The following KALRN variants were observed in gnomAD, a reference collection of about 807,000 sequenced individuals.
KALRN encodes kalirin.
KALRN carries 70 observed loss-of-function variants against 353.7 expected under a neutral mutation model. The ratio of observed to expected loss-of-function variants is 0.20; its 90% CI spans 0.16 to 0.24. The LOEUF is 0.24. Among genes scored for constraint, KALRN ranks in the 10% least tolerant of loss-of-function variants. The probability of loss-of-function intolerance (pLI) is 1.00; values close to 1 mark genes in which losing one functional copy is unlikely to be tolerated. For synonymous variants in KALRN, 1,391 were observed against 1,434.8 expected (o/e 0.97, Z 0.69); for missense variants, 2,791 against 3,756.7 (o/e 0.74, Z 6.72).
intron 10 of KALRN, among the ~76,000 whole-genome samples, chr3:124,352,652 A>G (rs972379928): frequency 2.0e-5 from 3 of 151,834 alleles, no homozygotes; most frequent in African/African-American, 4.8e-5. Flanking sequence ...TTGTTTCTCT[A>G]TCCAACCCTT....
rs1308609547 is a variant in KALRN, at chr3:124,692,856, G to A, written c.7378-948G>A. On this transcript the variant is annotated intron_variant, in intron 51 of 59. Transcript: ENST00000682506. The stretch of plus-strand genomic sequence containing the variant: ...TGACCTCAGCCTATCTCCAAAGTCC[G>A]TGCTTTTTTAAAACAATGCCAGGCT... Among the ~76,000 whole-genome samples the A allele has an allele frequency of 1.1e-4, 17 of 152,284 alleles. No homozygotes were observed. In the East Asian group the frequency reaches 1.9e-3, roughly 17 times the overall value.
chr3:124,482,404 G>A lies in KALRN; in HGVS notation c.4192-404G>A, dbSNP rs1162835142. The stretch of plus-strand genomic sequence containing the variant: ...AGGAGCCATCAGAATAGATGTCAGA[G>A]CCTCATTCTCTGCCTTCCCTGTACT... On this transcript the variant is annotated intron_variant, in intron 27 of 59. Coordinates refer to ENST00000682506, the MANE Select transcript of KALRN (RefSeq NM_001388419.1). Among the ~76,000 whole-genome samples the A allele has an allele frequency of 2.6e-5, 4 of 152,228 alleles. No homozygotes were observed. In the East Asian group the frequency reaches 7.7e-4, roughly 29 times the overall value.
intron 1 of KALRN, among the ~76,000 whole-genome samples, chr3:124,191,517 T>C (rs1367984439): frequency 6.6e-6 from 1 of 152,226 alleles, no homozygotes; most frequent in African/African-American, 2.4e-5. Context: ...CCACATATAT[T>C]AATATTTCCA....
At chr3:124,471,267 T>G in intron 25 of KALRN, among the ~76,000 whole-genome samples, 1 of 145,864 alleles carries the variant, frequency 6.9e-6, no homozygotes, top group South Asian at 2.2e-4. Context: ...TTATTATTAT[T>G]ATTATTATTA....
intron 34 of KALRN, among the ~76,000 whole-genome samples, chr3:124,568,221 T>C (rs566465145): frequency 2.6e-5 from 4 of 152,302 alleles, no homozygotes; most frequent in African/African-American, 7.2e-5. Context: ...AAAGAAGATA[T>C]ACAAGTGACC....
rs559707739 is a variant in KALRN, at chr3:124,701,803, GT to G, written c.7997-231del. 2.7e-3 allele frequency among the ~76,000 whole-genome samples: 404 copies of G among 152,006 alleles called. 5 individuals carry two copies. Among genetic ancestry groups the G allele is most frequent in the Non-Finnish European group, 1.7e-3 (116 of 67,988 alleles). On this transcript the variant is annotated intron_variant, in intron 56 of 59. Transcript: ENST00000682506. ...TAAGTCATATTTCTGATTGTACTGCGTTTTCCCTTTGTTTAAGTAGATGGGA... is the reference window on the plus strand; with the variant it reads ...TAAGTCATATTTCTGATTGTACTGCGTTTCCCTTTGTTTAAGTAGATGGGA...
At chr3:124,575,850 C>T (rs1448238398) in intron 34 of KALRN, among the ~76,000 whole-genome samples, 1 of 152,192 alleles carries the variant, frequency 6.6e-6, no homozygotes, top group African/African-American at 2.4e-5. Flanking sequence ...GCATAATCCC[C>T]TTGCCTCGAG....
Position 124,395,135 on chromosome 3 carries a change from T to C in KALRN, c.1963T>C (p.Leu655=), listed in dbSNP as rs2089992924. The part of the protein sequence containing the change: ...SVSFHTHTKE[L]WTWMEDLQKE... ...TGGAATCTCTGCTCTCTCTCTACAG[T>C]TGTGGACATGGATGGAAGACCTTCA... Residue 655 remains leucine, a splice_region_variant and synonymous_variant, in exon 12 of 60, where the codon TTG becomes CTG. Coordinates refer to ENST00000682506, the MANE Select transcript of KALRN (RefSeq NM_001388419.1). 6.2e-7 allele frequency: 1 copy of C among 1,611,714 alleles called. No homozygotes were observed. The highest frequency in any genetic ancestry group is 1.1e-5 in the South Asian group (1 of 90,930).
chr3:124,117,302 A>G (rs1197304264), intron 1 of KALRN, among the ~76,000 whole-genome samples: 1 of 150,460 alleles, frequency 6.6e-6, no homozygotes, highest in Non-Finnish European at 1.5e-5. Flanking sequence ...AATTTCTTTT[A>G]TGGAAAAGAA....
chr3:124,411,453 T>TTTTTTTTTTA lies in KALRN; in HGVS notation c.2347-2009_2347-2008insTATTTTTTTT, dbSNP rs2092150110. ...TTATGCTTTTTTTTTTTTTTTTTTT[T>TTTTTTTTTTA]TTTTTTTTAAGAAACAGGGTCTCTA... On this transcript the variant is annotated intron_variant, in intron 13 of 59. Transcript: ENST00000682506. Among the ~76,000 whole-genome samples the TTTTTTTTTTA allele has an allele frequency of 3.7e-5, 5 of 135,274 alleles. No homozygotes were observed. The East Asian group carries it at 9.2e-4, about 25-fold the overall frequency. 88.7% of individuals were successfully genotyped at this position (135,274 alleles called of 152,430 possible).
chr3:124,227,884 C>A, intron 1 of KALRN, 106 bp from the exon 2 acceptor site: 1 of 892,206 alleles, frequency 1.1e-6, no homozygotes, highest in Non-Finnish European at 1.9e-6. Flanking sequence ...CTGGACAAGG[C>A]AGGACTTGCC....
At chr3:124,562,788 T>TC (rs2072226942) in intron 33 of KALRN, 55 bp from the exon 34 acceptor site, 3 of 1,268,234 alleles carry the variant, frequency 2.4e-6, no homozygotes, top group Admixed American at 2.4e-5. Flanking sequence ...CCCATATTTC[T>TC]CCCCCCTTCC....
chr3:124,554,712 T>G (rs1309382456), intron 33 of KALRN, among the ~76,000 whole-genome samples: 1 of 152,004 alleles, frequency 6.6e-6, no homozygotes, highest in Non-Finnish European at 1.5e-5. Context: ...TCTGGTAATC[T>G]ATAGCTGAAT....
chr3:124,655,533 GAACTT>G (rs2083913161), intron 38 of KALRN, 63 bp from the exon 39 acceptor site: 3 of 1,292,464 alleles, frequency 2.3e-6, no homozygotes, highest in Non-Finnish European at 2.3e-6. Context: ...ACTTTTCTGT[GAACTT>G]AAGTGAAGAT....
At chr3:124,522,913 C>T (rs1577702812) in intron 33 of KALRN, among the ~76,000 whole-genome samples, 1 of 152,136 alleles carries the variant, frequency 6.6e-6, no homozygotes, top group African/African-American at 2.4e-5. Flanking sequence ...TCAGAAGCCA[C>T]AGCCAAAGAC....
intron 15 of KALRN, among the ~76,000 whole-genome samples, chr3:124,428,562 C>T (rs2093131983): frequency 6.6e-6 from 1 of 152,126 alleles, no homozygotes; most frequent in African/African-American, 2.4e-5. Context: ...GTTCTATGTC[C>T]AGGACTGACT....
chr3:124,674,230 C>A, intron 48 of KALRN, 134 bp from the exon 49 acceptor site: 2 of 784,648 alleles, frequency 2.5e-6, no homozygotes, highest in Non-Finnish European at 4.1e-6. Context: ...TGTCATTACT[C>A]AAGAGAGAAT....
chr3:124,419,080 A>G (rs544963478), intron 14 of KALRN, among the ~76,000 whole-genome samples: 1 of 152,132 alleles, frequency 6.6e-6, no homozygotes, highest in Admixed American at 6.5e-5. Context: ...TAAAAGAAAA[A>G]AAAAAATTCT....
At chr3:124,365,211 TTA>T (rs1357872518) in intron 10 of KALRN, among the ~76,000 whole-genome samples, 1 of 152,170 alleles carries the variant, frequency 6.6e-6, no homozygotes, top group African/African-American at 2.4e-5. Context: ...GAAATACAGT[TTA>T]TGTTTTTCCA....
Sources: gnomAD v4.1 joint callset for allele counts (sites outside exome capture counted in the v4.1 genomes callset) on GRCh38, gnomAD v4.1.1 for gene constraint, MANE v1.5 for transcripts, NCBI Gene and HGNC (gene_info 2026-07-23, HGNC 2026-07-21) for gene names.